Variants in ZNF33A observed in about 807,000 individuals in gnomAD.
ZNF33A encodes brain my041 protein.
In ZNF33A, 9 loss-of-function variants were observed where a neutral mutation model predicts 15.9. The observed-to-expected ratio is 0.57, with a 90% CI of 0.34 to 0.99. ZNF33A has a LOEUF of 0.99. ZNF33A is among the 50% of genes least tolerant of loss of function. ZNF33A has a pLI of 0.02. For missense variants in ZNF33A, 843 were observed against 941.6 expected (o/e 0.90, Z 1.37); for synonymous variants, 294 against 324.2 (o/e 0.91, Z 1.00).
chr10:38,036,094 G>T (rs761127553), intron 4 of ZNF33A, among the ~76,000 whole-genome samples: 5 of 152,162 alleles, frequency 3.3e-5, no homozygotes, highest in Non-Finnish European at 7.3e-5. Flanking sequence ...ATGCAACATT[G>T]TATGAAAATA....
Position 38,055,085 on chromosome 10 carries a change from A to G in ZNF33A, c.961A>G (p.Lys321Glu). 2.5e-6 allele frequency: 4 copies of G among 1,614,186 alleles called. No homozygotes were observed. Among genetic ancestry groups the G allele is most frequent in the Non-Finnish European group, 3.4e-6 (4 of 1,180,002 alleles). ...RRKLCLSHLQ[K>E]GDKGEKHFEC... ...GAAATTGTGTCTGTCACACCTTCAG[A>G]AAGGTGATAAAGGAGAGAAACACTT... Residue 321 changes from lysine to glutamate, a missense_variant, in exon 5 of 5, where the codon AAA becomes GAA. Coordinates refer to ENST00000432900, the MANE Select transcript of ZNF33A (RefSeq NM_006954.2).
chr10:38,060,145 T>G (rs1032552920), downstream of ZNF33A: 1 of 902,304 alleles, frequency 1.1e-6, no homozygotes, highest in African/African-American at 1.8e-5. Context: ...TAGTGAACAA[T>G]TGAATTGCTT....
chr10:38,061,871 C>T (rs190920208), downstream of ZNF33A, among the ~76,000 whole-genome samples: 97 of 152,216 alleles, frequency 6.4e-4, 1 homozygote, highest in Non-Finnish European at 1.2e-3. Context: ...GCAGGAGAAT[C>T]GCTTGAACCT....
At chr10:38,066,990 A>G (rs2066715240), downstream of ZNF33A, among the ~76,000 whole-genome samples, 1 of 152,216 alleles carries the variant, frequency 6.6e-6, no homozygotes, top group African/African-American at 2.4e-5. Flanking sequence ...ACTTTATGGC[A>G]GCACTGACCT....
Position 38,010,746 on chromosome 10 carries a change from G to C in ZNF33A, c.-82G>C, listed in dbSNP as rs1439752611. On this transcript the variant is annotated 5_prime_UTR_variant, in exon 1 of 5. Transcript: ENST00000432900. The stretch of plus-strand genomic sequence containing the variant: ...GTCCCGGGATTTCAAGGGTCTACGC[G>C]CTTTTCTATGGCGAATGCAACCCGA... 3 of 1,598,462 alleles carry C rather than the reference G, an allele frequency of 1.9e-6. No homozygotes were observed. In the East Asian group the frequency reaches 6.7e-5, roughly 36 times the overall value.
chr10:38,065,757 C>A (rs2066705145), downstream of ZNF33A, among the ~76,000 whole-genome samples: 1 of 151,106 alleles, frequency 6.6e-6, no homozygotes, highest in South Asian at 2.1e-4. Context: ...TATGCCCAGG[C>A]TGGAGTGCAA....
chr10:38,014,715 G>A (rs2064365826), intron 2 of ZNF33A, among the ~76,000 whole-genome samples: 2 of 152,144 alleles, frequency 1.3e-5, no homozygotes, highest in Non-Finnish European at 2.9e-5. Flanking sequence ...ACCACACTTG[G>A]TGAAACATCT....
At chr10:38,030,538 C>A (rs1375926277) in intron 4 of ZNF33A, among the ~76,000 whole-genome samples, 1 of 152,112 alleles carries the variant, frequency 6.6e-6, no homozygotes, top group African/African-American at 2.4e-5. Flanking sequence ...CCTCCTACCC[C>A]CAATGTTTGG....
At chr10:38,012,482 AGTACAAT>A in intron 2 of ZNF33A, 132 bp downstream of exon 2, 1 of 1,076,906 alleles carries the variant, frequency 9.3e-7, no homozygotes, top group Non-Finnish European at 1.3e-6. Flanking sequence ...CCCAGGCTGG[AGTACAAT>A]GTCCCCATCT....
chr10:38,017,047 G>C (rs146107502), intron 3 of ZNF33A, 32 bp downstream of exon 3: 2 of 1,585,284 alleles, frequency 1.3e-6, no homozygotes, highest in Non-Finnish European at 1.7e-6. Context: ...ATTCTAAATA[G>C]CATTTGTTTA....
In ZNF33A at chr10:38,056,944, A is replaced by G. The variant is rs755803643; in HGVS notation, c.*384A>G. 27 of 930,616 alleles carry G rather than the reference A, an allele frequency of 2.9e-5. No homozygotes were observed. The highest frequency in any genetic ancestry group is 1.5e-4 in the South Asian group (3 of 20,484). 57.6% of individuals were successfully genotyped at this position (930,616 alleles called of 1,614,324 possible). ...GAACTTAAACAAAGGTAATAATTAA[A>G]ATAACCTCACAAGAAGTTTAATGAG... On this transcript the variant is annotated 3_prime_UTR_variant, in exon 5 of 5. Coordinates refer to ENST00000432900, the MANE Select transcript of ZNF33A (RefSeq NM_006954.2).
chr10:38,017,957 G>A (rs754494662), intron 4 of ZNF33A, among the ~76,000 whole-genome samples: 2 of 152,112 alleles, frequency 1.3e-5, no homozygotes, highest in Non-Finnish European at 2.9e-5. Context: ...AGCTGGGTGT[G>A]GTGGCAGGTG....
intron 4 of ZNF33A, chr10:38,039,562 T>C (rs1229399475): frequency 4.4e-6 from 2 of 455,774 alleles, no homozygotes; most frequent in Non-Finnish European, 8.8e-6. Flanking sequence ...ACTTCAATCT[T>C]TTTACTTGTG....
At chr10:38,051,183 G>A (rs1713932858) in intron 4 of ZNF33A, among the ~76,000 whole-genome samples, 1 of 152,142 alleles carries the variant, frequency 6.6e-6, no homozygotes, top group Non-Finnish European at 1.5e-5. Context: ...GGAAATGTCA[G>A]AGGAAACATT....
rs749255334 is a variant in ZNF33A at position 38,017,350 on chromosome 10, A to T, written c.214A>T (p.Lys72Ter). 4 of 1,614,060 alleles carry T rather than the reference A, an allele frequency of 2.5e-6. No homozygotes were observed. Among genetic ancestry groups the T allele is most frequent in the Non-Finnish European group, 3.4e-6 (4 of 1,179,932 alleles). ...FRLQQGEEPWKQEEEFPSQSF... is the reference protein window; with the variant it reads ...FRLQQGEEPW ...GCTGCAACAAGGAGAAGAGCCATGG[A>T]AACAGGAGGAAGAATTCCCAAGCCA... The change falls in exon 4 of 5, where the codon AAA becomes TAA. Residue 72 changes from lysine to a stop codon, truncating the protein, a stop_gained. Transcript: ENST00000432900. LOFTEE classifies it high-confidence loss of function.
chr10:38,011,471 G>A (rs1341050105), intron 1 of ZNF33A, among the ~76,000 whole-genome samples: 1 of 152,074 alleles, frequency 6.6e-6, no homozygotes, highest in South Asian at 2.1e-4. Flanking sequence ...TGTAATCCCA[G>A]CTACTGAGGC....
intron 4 of ZNF33A, among the ~76,000 whole-genome samples, chr10:38,018,525 G>A (rs191648325): frequency 6.6e-6 from 1 of 152,282 alleles, no homozygotes; most frequent in East Asian, 1.9e-4. Flanking sequence ...TTTTAATTTA[G>A]TGGTAGATTT....
intron 4 of ZNF33A, among the ~76,000 whole-genome samples, chr10:38,032,686 A>G (rs1240626995): frequency 6.6e-6 from 1 of 151,952 alleles, no homozygotes; most frequent in Non-Finnish European, 1.5e-5. Flanking sequence ...TCCTGACCTC[A>G]GGTTATCTGG....
At chr10:38,021,465 A>G (rs899416544) in intron 4 of ZNF33A, among the ~76,000 whole-genome samples, 5 of 28,272 alleles carry the variant, frequency 1.8e-4, no homozygotes, top group African/African-American at 7.9e-4. Context: ...ACATGGTGAA[A>G]CCCTGTCTCT....
Sources: allele counts gnomAD v4.1 joint callset (sites outside exome capture counted in the v4.1 genomes callset), GRCh38; gene constraint gnomAD v4.1.1; transcripts MANE v1.5; gene names NCBI Gene and HGNC (gene_info 2026-07-23, HGNC 2026-07-21).